Variants in DIS3L2 observed in about 807,000 individuals in gnomAD.
DIS3L2 encodes DIS3 like 3'-5' exoribonuclease 2.
In DIS3L2, 34 loss-of-function variants were observed where a neutral mutation model predicts 97.5. The observed-to-expected ratio is 0.35, with a 90% CI of 0.27 to 0.46. DIS3L2 has a LOEUF of 0.46. Among genes scored for constraint, DIS3L2 ranks in the 20% least tolerant of loss-of-function variants. The probability of loss-of-function intolerance (pLI) is 1.00; values close to 1 mark genes in which losing one functional copy is unlikely to be tolerated. For synonymous variants in DIS3L2, 435 were observed against 445.2 expected (o/e 0.98, Z 0.29); for missense variants, 1,038 against 1,146.0 (o/e 0.91, Z 1.36).
intron 6 of DIS3L2, among the ~76,000 whole-genome samples, chr2:232,102,757 C>T (rs985285071): frequency 6.6e-5 from 10 of 152,090 alleles, no homozygotes; most frequent in South Asian, 4.1e-4. Flanking sequence ...TTCTACAGTT[C>T]GGTGTGGATT....
chr2:232,063,956 C>T (rs1287040233), intron 5 of DIS3L2, among the ~76,000 whole-genome samples: 2 of 151,884 alleles, frequency 1.3e-5, no homozygotes, highest in African/African-American at 4.8e-5. Context: ...TAGATCATAA[C>T]CTTGGCTTGT....
intron 6 of DIS3L2, among the ~76,000 whole-genome samples, chr2:232,110,325 CA>C (rs1697488619): frequency 6.6e-6 from 1 of 152,122 alleles, no homozygotes; most frequent in Non-Finnish European, 1.5e-5. Flanking sequence ...CCATTTGACC[CA>C]GCAATCTCAT....
intron 6 of DIS3L2, among the ~76,000 whole-genome samples, chr2:232,102,913 C>A (rs1403171129): frequency 6.6e-6 from 1 of 152,092 alleles, no homozygotes; most frequent in Non-Finnish European, 1.5e-5. Flanking sequence ...TTCGGCCAGT[C>A]ACAATTTTAT....
intron 5 of DIS3L2, among the ~76,000 whole-genome samples, chr2:232,083,009 A>C (rs1048463015): frequency 6.6e-6 from 1 of 152,152 alleles, no homozygotes; most frequent in African/African-American, 2.4e-5. Context: ...TCCCCTTTAT[A>C]AAACCATCAG....
intron 5 of DIS3L2, among the ~76,000 whole-genome samples, chr2:232,085,406 A>T (rs933275245): frequency 6.6e-6 from 1 of 152,202 alleles, no homozygotes; most frequent in Non-Finnish European, 1.5e-5. Context: ...CCCCACTAGG[A>T]TGTAGGACTC....
intron 1 of DIS3L2, among the ~76,000 whole-genome samples, chr2:232,009,475 T>A (rs1369754925): frequency 6.6e-6 from 1 of 152,170 alleles, no homozygotes; most frequent in African/African-American, 2.4e-5. Flanking sequence ...CTTGTTTTTA[T>A]TTTTCAGTAT....
chr2:232,039,455 A>G (rs1339453194), intron 5 of DIS3L2, among the ~76,000 whole-genome samples: 1 of 152,152 alleles, frequency 6.6e-6, no homozygotes, highest in Non-Finnish European at 1.5e-5. Flanking sequence ...CCTCTTGGGT[A>G]TGTAAACTAC....
chr2:232,319,425 AC>A (rs1695366443), intron 14 of DIS3L2, among the ~76,000 whole-genome samples: 1 of 152,238 alleles, frequency 6.6e-6, no homozygotes, highest in Non-Finnish European at 1.5e-5. Context: ...TGGTAAATGG[AC>A]AGGCATAAGC....
At chr2:232,138,756 G>C (rs141434822) in intron 8 of DIS3L2, among the ~76,000 whole-genome samples, 1 of 152,268 alleles carries the variant, frequency 6.6e-6, no homozygotes, top group East Asian at 1.9e-4. Flanking sequence ...GTTATGGTTA[G>C]CTTCCACATA....
intron 5 of DIS3L2, among the ~76,000 whole-genome samples, chr2:232,044,501 G>T (rs1325487900): frequency 6.6e-6 from 1 of 152,118 alleles, no homozygotes; most frequent in Non-Finnish European, 1.5e-5. Flanking sequence ...ATTTAGGAAG[G>T]GGGGCAAGGG....
At chr2:232,116,717 C>T (rs13412942) in intron 6 of DIS3L2, among the ~76,000 whole-genome samples, 5,060 of 152,204 alleles carry the variant, frequency 0.033, 268 homozygotes, top group African/African-American at 0.11. Context: ...TGACAGCTGC[C>T]CTACTCTGGC....
At chr2:232,190,496 A>G (rs1184394975) in intron 9 of DIS3L2, among the ~76,000 whole-genome samples, 13 of 152,098 alleles carry the variant, frequency 8.5e-5, no homozygotes, top group Non-Finnish European at 1.5e-5. Flanking sequence ...GAACGACACA[A>G]TTTTTGGATT....
chr2:232,048,723 T>G (rs1695314723), intron 5 of DIS3L2, among the ~76,000 whole-genome samples: 1 of 150,200 alleles, frequency 6.7e-6, no homozygotes, highest in East Asian at 1.9e-4. Flanking sequence ...AGAGCAAGAC[T>G]CCCTCTCAAA....
At chr2:232,228,347 C>T (rs1277076500) in intron 10 of DIS3L2, among the ~76,000 whole-genome samples, 1 of 152,148 alleles carries the variant, frequency 6.6e-6, no homozygotes, top group Non-Finnish European at 1.5e-5. Flanking sequence ...CTGGGGGAAA[C>T]CATTCTGCTG....
intron 12 of DIS3L2, among the ~76,000 whole-genome samples, chr2:232,249,547 G>A (rs1265467751): frequency 6.6e-6 from 1 of 152,182 alleles, no homozygotes; most frequent in Non-Finnish European, 1.5e-5. Flanking sequence ...CTGACCTTAA[G>A]CACTTAGAAC....
rs769631305 is a variant in DIS3L2, at chr2:232,087,744, A to G, written c.601+23A>G. 3 of 1,577,588 alleles carry G rather than the reference A, an allele frequency of 1.9e-6. No individual in the cohort carries two copies. In the East Asian group the frequency reaches 6.8e-5, roughly 36 times the overall value. On this transcript the variant is annotated intron_variant, in intron 6 of 20. Transcript: ENST00000325385. ...AAGGTGAGTACTAGACTATTGTCTT[A>G]CTTTTTTTTTAAGTACACTGATTAA... is the stretch of plus-strand genomic sequence containing the variant.
At chr2:232,001,497 CTT>C (rs1038135588) in intron 1 of DIS3L2, among the ~76,000 whole-genome samples, 82 of 141,010 alleles carry the variant, frequency 5.8e-4, no homozygotes, top group African/African-American at 2.2e-3. Context: ...TTCATTGTCT[CTT>C]TGCTCTGTTG....
At chr2:232,171,651 CA>C (rs1282470870) in intron 9 of DIS3L2, among the ~76,000 whole-genome samples, 1 of 152,158 alleles carries the variant, frequency 6.6e-6, no homozygotes, top group Non-Finnish European at 1.5e-5. Context: ...TGTTTGGCAT[CA>C]AATGGGGAAG....
intron 6 of DIS3L2, among the ~76,000 whole-genome samples, chr2:232,128,627 A>G (rs1225139721): frequency 6.6e-6 from 1 of 150,520 alleles, no homozygotes; most frequent in Non-Finnish European, 1.5e-5. Context: ...ACTAAATTTT[A>G]TATTTTTAGT....
Sources: gnomAD v4.1 joint callset for allele counts (sites outside exome capture counted in the v4.1 genomes callset) on GRCh38, gnomAD v4.1.1 for gene constraint, MANE v1.5 for transcripts, NCBI Gene and HGNC (gene_info 2026-07-23, HGNC 2026-07-21) for gene names.